ASIP: variants seen among roughly 807,000 people sequenced by gnomAD.
ASIP encodes the protein agouti signaling protein.
ASIP carries 11 observed loss-of-function variants against 10.3 expected under a neutral mutation model. The ratio of observed to expected loss-of-function variants is 1.07; its 90% CI spans 0.68 to 1.78. The LOEUF (loss-of-function observed/expected upper bound fraction) is 1.78, where lower values mean the gene tolerates loss of function less well. Ranked by LOEUF, ASIP falls within the 40% of genes most tolerant of loss-of-function variation. The probability of loss-of-function intolerance (pLI) is 0.00; values close to 1 mark genes in which losing one functional copy is unlikely to be tolerated. For missense variants in ASIP, 180 were observed against 169.2 expected, an observed-to-expected ratio of 1.06 and a Z score of -0.35; for synonymous variants, 70 against 70.8, an observed-to-expected ratio of 0.99 and a Z score of 0.06.
chr20:34,208,714 G>T (rs1233335528), intron 1 of ASIP, among the ~76,000 whole-genome samples: 2 of 152,166 alleles, frequency 1.3e-5, no homozygotes, highest in Non-Finnish European at 2.9e-5. Context: ...AAGTAGTATG[G>T]ACATTTTAAC....
At chr20:34,237,111 C>T (rs1470508823), upstream of ASIP, among the ~76,000 whole-genome samples, 1 of 152,176 alleles carries the variant, frequency 6.6e-6, no homozygotes, top group Non-Finnish European at 1.5e-5. Flanking sequence ...TATGCAAGTA[C>T]CACACTGTTT....
intron 1 of ASIP, among the ~76,000 whole-genome samples, chr20:34,199,282 T>C (rs2034877986): frequency 6.6e-6 from 1 of 152,146 alleles, no homozygotes; most frequent in Admixed American, 6.5e-5. Flanking sequence ...ACAGAAGCAT[T>C]AGGAACATCT....
At chr20:34,237,402 T>C (rs925922965), upstream of ASIP, among the ~76,000 whole-genome samples, 2 of 152,236 alleles carry the variant, frequency 1.3e-5, no homozygotes, top group Non-Finnish European at 2.9e-5. Flanking sequence ...GCTATGTTAA[T>C]TCCTAATTCT....
At chr20:34,258,852 TA>T (rs1350022752) in intron 1 of ASIP, among the ~76,000 whole-genome samples, 6 of 118,904 alleles carry the variant, frequency 5.0e-5, no homozygotes, top group South Asian at 2.4e-4. Flanking sequence ...AGTGTATATA[TA>T]ATATATGATA....
intron 1 of ASIP, among the ~76,000 whole-genome samples, chr20:34,203,160 A>C (rs925836043): frequency 7.9e-5 from 12 of 152,152 alleles, no homozygotes; most frequent in Admixed American, 2.6e-4. Context: ...TTCTACCAAA[A>C]AAAACCCTGC....
rs530193501 is a variant in ASIP at position 34,254,563 on chromosome 20, C to G, written c.-10-5802C>G. Among the ~76,000 whole-genome samples, 5 of 152,316 alleles carry G rather than the reference C, an allele frequency of 3.3e-5. No individual in the cohort carries two copies. In the East Asian group the frequency reaches 7.7e-4, roughly 24 times the overall value. On this transcript the variant is annotated intron_variant, in intron 1 of 3. Transcript: ENST00000374954. The stretch of plus-strand genomic sequence containing the variant: ...TACCTGAAGACATTTGGCAACAAAA[C>G]CCGTCCCGAATTGATGTGAATCAAT...
chr20:34,268,945 G>A (rs749841638), intron 3 of ASIP, 46 bp from the exon 4 acceptor site: 2 of 1,560,464 alleles, frequency 1.3e-6, no homozygotes, highest in South Asian at 2.4e-5. Flanking sequence ...GAGGACCGGA[G>A]GGGTGGGCGT....
chr20:34,242,210 TTATTA>T (rs1404270066), intron 1 of ASIP, among the ~76,000 whole-genome samples: 3 of 151,444 alleles, frequency 2.0e-5, no homozygotes, highest in Non-Finnish European at 4.4e-5. Context: ...TTATTTTATT[TTATTA>T]TTTTTATTTT....
chr20:34,260,538 A>G lies in ASIP; in HGVS notation c.160+4A>G. 1 of 1,608,090 alleles carries G rather than the reference A, an allele frequency of 6.2e-7. No individual in the cohort carries two copies. Among genetic ancestry groups the G allele is most frequent in the South Asian group, 1.1e-5 (1 of 90,298 alleles). ...GTCCCTTCTGTCTCTATTGTGGGTA[A>G]GTCACCTAGCCTCTGGGCTCTGGCC... On this transcript the variant is annotated splice_donor_region_variant and intron_variant, in intron 2 of 3. Coordinates refer to ENST00000374954, the MANE Select transcript of ASIP (RefSeq NM_001672.3).
chr20:34,246,657 C>G (rs2035380952), intron 1 of ASIP: 1 of 515,424 alleles, frequency 1.9e-6, no homozygotes, highest in Non-Finnish European at 3.6e-6. Flanking sequence ...GGGGTTTCGC[C>G]ATGTTGCCCA....
rs1568768756 is a variant in ASIP at position 34,258,698 on chromosome 20, A to ATATATATATATATATATAC, written c.-10-1656_-10-1655insATATATACTATATATATAT. On this transcript the variant is annotated intron_variant, in intron 1 of 3. Coordinates refer to ENST00000374954, the MANE Select transcript of ASIP (RefSeq NM_001672.3). Reference sequence around the variant, plus strand: ...CCATATATATATATATATACATACTATATATATATATTATATATATTATAA... The same window carrying ATATATATATATATATATAC: ...CCATATATATATATATATACATACTATATATATATATATATATACTATATATATATTATATATATTATAA... Among the ~76,000 whole-genome samples, 2 of 62,042 alleles carry ATATATATATATATATATAC rather than the reference A, an allele frequency of 3.2e-5. 1 individual carries two copies. Among genetic ancestry groups the ATATATATATATATATATAC allele is most frequent in the African/African-American group, 1.8e-4 (2 of 11,332 alleles). 40.7% of individuals were successfully genotyped at this position (62,042 alleles called of 152,430 possible).
chr20:34,202,330 C>A (rs2034905171), intron 1 of ASIP, among the ~76,000 whole-genome samples: 1 of 152,186 alleles, frequency 6.6e-6, no homozygotes, highest in African/African-American at 2.4e-5. Flanking sequence ...TGGTCTACGG[C>A]CATACCACCC....
At chr20:34,262,686 T>C in intron 2 of ASIP, 146 bp from the exon 3 acceptor site, 1 of 800,614 alleles carries the variant, frequency 1.2e-6, no homozygotes. Context: ...CCTACTGGCT[T>C]GAGTCCTACA....
chr20:34,201,846 C>T (rs2034901996), intron 1 of ASIP, among the ~76,000 whole-genome samples: 1 of 152,164 alleles, frequency 6.6e-6, no homozygotes, highest in Non-Finnish European at 1.5e-5. Context: ...TGTTATAAAG[C>T]TTCTACTTTT....
chr20:34,193,572 G>T (rs1216183648), upstream of ASIP, among the ~76,000 whole-genome samples: 1 of 152,138 alleles, frequency 6.6e-6, no homozygotes, highest in Non-Finnish European at 1.5e-5. Context: ...GGGTAATACA[G>T]GATCTGCATT....
intron 1 of ASIP, chr20:34,246,415 G>A: frequency 1.5e-6 from 2 of 1,362,156 alleles, no homozygotes; most frequent in African/African-American, 2.9e-5. Context: ...TATATTCACA[G>A]TACTCTGTTG....
At chr20:34,220,953 CTTTTTTTTTT>C in intron 1 of ASIP, among the ~76,000 whole-genome samples, 1 of 109,758 alleles carries the variant, frequency 9.1e-6, no homozygotes, top group African/African-American at 3.9e-5. Context: ...TTCTTTCCTT[CTTTTTTTTTT>C]TTTTTTTTTT....
chr20:34,269,025 G>A lies in ASIP; in HGVS notation c.257G>A (p.Arg86Gln). 6.2e-7 allele frequency: 1 copy of A among 1,608,104 alleles called. No individual in the cohort carries two copies. The highest frequency in any genetic ancestry group is 1.7e-4 in the Middle Eastern group (1 of 6,046). The change falls in exon 4 of 4, where the codon CGG (arginine) becomes CAG (glutamine). Residue 86 changes from arginine to glutamine, a missense_variant. Physicochemically the swap from Arg to Gln is conservative, Grantham distance 43. Transcript: ENST00000374954. The stretch of plus-strand genomic sequence containing the variant: ...TCGATGAAGAAAGTGGTGCGGCCCC[G>A]GACCCCCCTATCTGCGCCCTGCGTG... Reference protein sequence around the residue: ...EASMKKVVRPRTPLSAPCVAT... With the variant: ...EASMKKVVRPQTPLSAPCVAT...
chr20:34,225,119 G>A (rs1418755840), intron 1 of ASIP, among the ~76,000 whole-genome samples: 2 of 138,950 alleles, frequency 1.4e-5, no homozygotes, highest in Non-Finnish European at 3.1e-5. Context: ...TCAGCTCACT[G>A]CAACCTCTGC....
Sources: allele counts gnomAD v4.1 joint callset (sites outside exome capture counted in the v4.1 genomes callset), GRCh38; gene constraint gnomAD v4.1.1; transcripts MANE v1.5; gene names NCBI Gene and HGNC (gene_info 2026-07-23, HGNC 2026-07-21).